The following SMAP1 variants were observed in gnomAD, a reference collection of about 807,000 sequenced individuals.
SMAP1 encodes stromal membrane-associated protein 1.
A neutral mutation model predicts 58.5 loss-of-function variants in SMAP1; 24 were observed. The observed-to-expected ratio is 0.41, with a 90% CI of 0.30 to 0.58. SMAP1 has a LOEUF of 0.58. Among genes scored for constraint, SMAP1 ranks in the 20% least tolerant of loss-of-function variants. The pLI is 0.29. For missense variants in SMAP1, 563 were observed against 566.3 expected, an observed-to-expected ratio of 0.99 and a Z score of 0.06; for synonymous variants, 216 against 196.6, an observed-to-expected ratio of 1.10 and a Z score of -0.82.
intron 6 of SMAP1, among the ~76,000 whole-genome samples, chr6:70,815,646 G>C (rs1037230799): frequency 1.3e-5 from 2 of 152,084 alleles, no homozygotes; most frequent in Non-Finnish European, 2.9e-5. Flanking sequence ...ACTGTTGATA[G>C]TGGAATGTAG....
intron 7 of SMAP1, among the ~76,000 whole-genome samples, chr6:70,848,890 C>G (rs897915813): frequency 6.6e-6 from 1 of 152,088 alleles, no homozygotes; most frequent in Non-Finnish European, 1.5e-5. Flanking sequence ...TTGTGTTTAC[C>G]AATTTTGCAA....
chr6:70,771,811 A>G (rs1482542117), intron 3 of SMAP1, among the ~76,000 whole-genome samples: 1 of 152,132 alleles, frequency 6.6e-6, no homozygotes. Flanking sequence ...GGTACCTCAG[A>G]TGGAAATGCA....
chr6:70,807,799 GAA>G (rs1769201712), intron 6 of SMAP1, among the ~76,000 whole-genome samples: 1 of 152,026 alleles, frequency 6.6e-6, no homozygotes, highest in Non-Finnish European at 1.5e-5. Context: ...GGTGACACTA[GAA>G]CAGTGCTGGA....
chr6:70,786,573 A>C (rs552900741), intron 4 of SMAP1, among the ~76,000 whole-genome samples: 1 of 151,648 alleles, frequency 6.6e-6, no homozygotes, highest in African/African-American at 2.4e-5. Context: ...TCAGCCCAAA[A>C]TCTCCTTAAG....
At chr6:70,675,141 TAA>T (rs79670208) in intron 1 of SMAP1, among the ~76,000 whole-genome samples, 35 of 122,248 alleles carry the variant, frequency 2.9e-4, no homozygotes, top group African/African-American at 4.6e-4. Context: ...TGGAGAATGT[TAA>T]AAAAAAAAAA....
intron 3 of SMAP1, among the ~76,000 whole-genome samples, chr6:70,758,161 A>G (rs1004506413): frequency 9.3e-5 from 14 of 150,894 alleles, no homozygotes; most frequent in African/African-American, 2.2e-4. Context: ...AAAATGTGGC[A>G]CATATACACC....
intron 5 of SMAP1, among the ~76,000 whole-genome samples, chr6:70,795,532 C>CT (rs926428052): frequency 6.6e-6 from 1 of 152,092 alleles, no homozygotes; most frequent in African/African-American, 2.4e-5. Context: ...TCTCTGGGGC[C>CT]TTTTTAATAA....
chr6:70,680,759 CCCAGGCTG>C (rs1286077707), intron 1 of SMAP1, among the ~76,000 whole-genome samples: 32 of 135,088 alleles, frequency 2.4e-4, no homozygotes, highest in African/African-American at 8.5e-4. Flanking sequence ...CACTGTGTCT[CCCAGGCTG>C]GAGTGCAGTG....
intron 10 of SMAP1, 56 bp downstream of exon 10, chr6:70,858,285 A>ATT: frequency 2.0e-6 from 2 of 1,019,704 alleles, no homozygotes; most frequent in South Asian, 2.1e-5. Context: ...TATTTTCTAA[A>ATT]TCTTTTTTTT....
chr6:70,750,207 C>T (rs1766217472), intron 2 of SMAP1, among the ~76,000 whole-genome samples: 1 of 152,036 alleles, frequency 6.6e-6, no homozygotes, highest in South Asian at 2.1e-4. Flanking sequence ...ACTGGAGATG[C>T]CCTGTTGACA....
At chr6:70,818,668 G>C (rs1297392443) in intron 6 of SMAP1, among the ~76,000 whole-genome samples, 1 of 152,012 alleles carries the variant, frequency 6.6e-6, no homozygotes, top group Admixed American at 6.6e-5. Context: ...GCTGGGCTGG[G>C]GGATGCTAAA....
intron 2 of SMAP1, among the ~76,000 whole-genome samples, chr6:70,734,129 C>T (rs1582083072): frequency 6.9e-6 from 1 of 143,998 alleles, no homozygotes; most frequent in African/African-American, 2.6e-5. Flanking sequence ...GTCTGGCCCC[C>T]CTCCCCTGCT....
rs756267828 is a variant in SMAP1 at position 70,861,718 on chromosome 6, A to ACCTT, written c.*1386_*1389dup. 6.2e-7 allele frequency: 1 copy of ACCTT among 1,614,108 alleles called. No individual in the cohort carries two copies. Among genetic ancestry groups the ACCTT allele is most frequent in the Non-Finnish European group, 8.5e-7 (1 of 1,179,988 alleles). ...GTACTTTGGCTCGTTGGCTAGATTA[A>ACCTT]CCTTCTCTGTCCGAGTGTGCCACAC... On this transcript the variant is annotated 3_prime_UTR_variant, in exon 11 of 11. Transcript: ENST00000370455.
intron 1 of SMAP1, among the ~76,000 whole-genome samples, chr6:70,713,248 G>A (rs1768132151): frequency 6.6e-6 from 1 of 150,968 alleles, no homozygotes; most frequent in Non-Finnish European, 1.5e-5. Context: ...TTTTTCCTGT[G>A]GTTTTTCTAT....
intron 1 of SMAP1, among the ~76,000 whole-genome samples, chr6:70,678,971 T>C (rs1442448503): frequency 6.6e-6 from 1 of 152,072 alleles, no homozygotes; most frequent in Non-Finnish European, 1.5e-5. Flanking sequence ...TTATTCTGCC[T>C]AACAAAGTGG....
intron 1 of SMAP1, among the ~76,000 whole-genome samples, chr6:70,725,337 T>C (rs1302862439): frequency 8.6e-5 from 13 of 151,922 alleles, no homozygotes; most frequent in African/African-American, 3.1e-4. Context: ...AGGATGGTCT[T>C]GATCTCCTGA....
intron 4 of SMAP1, among the ~76,000 whole-genome samples, chr6:70,781,174 A>AT (rs981096247): frequency 6.6e-6 from 1 of 152,118 alleles, no homozygotes; most frequent in Non-Finnish European, 1.5e-5. Flanking sequence ...AGGACTTAAA[A>AT]TTTTTTTAAG....
rs1250874444 is a variant in SMAP1 at position 70,860,303 on chromosome 6, G to A, written c.1373G>A (p.Gly458Asp). 18 of 1,613,256 alleles carry A rather than the reference G, an allele frequency of 1.1e-5. No homozygotes were observed. Among genetic ancestry groups the A allele is most frequent in the Non-Finnish European group, 1.4e-5 (17 of 1,179,744 alleles). The change falls in exon 11 of 11, where the codon GGT (glycine) becomes GAT (aspartate). Residue 458 changes from glycine to aspartate, a missense_variant. Transcript: ENST00000370455. ...TTAGWSGSSS[G>D]QTLSTQLWK ...GCAGGATGGTCTGGAAGCTCATCAG[G>A]TCAGACTCTCAGCACACAACTGTGG...
chr6:70,691,434 A>G (rs747157328), intron 1 of SMAP1, among the ~76,000 whole-genome samples: 12 of 152,196 alleles, frequency 7.9e-5, no homozygotes, highest in Non-Finnish European at 1.3e-4. Flanking sequence ...TCAAGCATTT[A>G]TCATTTCTTT....
Sources: allele counts gnomAD v4.1 joint callset (sites outside exome capture counted in the v4.1 genomes callset), GRCh38; gene constraint gnomAD v4.1.1; transcripts MANE v1.5; gene names NCBI Gene and HGNC (gene_info 2026-07-23, HGNC 2026-07-21).